The following SORCS2 variants were observed in gnomAD, a reference collection of about 807,000 sequenced individuals.
SORCS2 encodes sortilin related VPS10 domain containing receptor 2, also known as VPS10 domain-containing receptor SorCS2.
Under a neutral mutation model 141.6 loss-of-function variants are expected in SORCS2, and 100 were observed. The observed-to-expected ratio is 0.71, with a 90% CI of 0.60 to 0.83. SORCS2 has a LOEUF of 0.83. SORCS2 is among the 40% of genes least tolerant of loss of function. The pLI is 0.00. For synonymous variants in SORCS2, 789 were observed against 676.9 expected, an observed-to-expected ratio of 1.17 and a Z score of -2.57; for missense variants, 1,646 against 1,560.2, an observed-to-expected ratio of 1.05 and a Z score of -0.93.
intron 1 of SORCS2, among the ~76,000 whole-genome samples, chr4:7,270,907 A>T (rs1198630507): frequency 6.6e-6 from 1 of 152,260 alleles, no homozygotes; most frequent in African/African-American, 2.4e-5. Context: ...TAGGATACTT[A>T]CGTTCTCTCC....
Position 7,740,275 on chromosome 4 carries a change from G to C in SORCS2, c.*11G>C. ...TACCTGGTGAGCTGATGCCACCCCA[G>C]CATCTGTCTTTTCACCCACGGAGGG... On this transcript the variant is annotated 3_prime_UTR_variant, in exon 27 of 27. Coordinates refer to ENST00000507866, the MANE Select transcript of SORCS2 (RefSeq NM_020777.3). 6.2e-7 allele frequency: 1 copy of C among 1,608,060 alleles called. No homozygotes were observed. Among genetic ancestry groups the C allele is most frequent in the South Asian group, 1.1e-5 (1 of 90,710 alleles).
intron 8 of SORCS2, among the ~76,000 whole-genome samples, chr4:7,670,511 A>G (rs1227308263): frequency 6.6e-6 from 1 of 152,242 alleles, no homozygotes; most frequent in East Asian, 1.9e-4. Context: ...TCTAAGCCGT[A>G]TGAATAAAGA....
chr4:7,639,917 GTGTGTT>G (rs938694234), intron 4 of SORCS2, among the ~76,000 whole-genome samples: 13 of 95,518 alleles, frequency 1.4e-4, no homozygotes, highest in South Asian at 6.6e-4. Context: ...GTGGGTGTGT[GTGTGTT>G]TGTGAGAATA....
intron 1 of SORCS2, among the ~76,000 whole-genome samples, chr4:7,245,427 T>G (rs1713018311): frequency 6.6e-6 from 1 of 152,198 alleles, no homozygotes; most frequent in Non-Finnish European, 1.5e-5. Flanking sequence ...GTGGAACAAT[T>G]AGGTTAGCAC....
chr4:7,463,708 T>A (rs1729447915), intron 2 of SORCS2, among the ~76,000 whole-genome samples: 1 of 152,216 alleles, frequency 6.6e-6, no homozygotes, highest in African/African-American at 2.4e-5. Context: ...TTGGGCGGGC[T>A]TGGGGAGACG....
intron 2 of SORCS2, among the ~76,000 whole-genome samples, chr4:7,490,414 T>A (rs554703154): frequency 6.6e-6 from 1 of 152,142 alleles, no homozygotes; most frequent in East Asian, 1.9e-4. Flanking sequence ...CTACCCTAGA[T>A]CACGGAGCTC....
intron 1 of SORCS2, among the ~76,000 whole-genome samples, chr4:7,260,432 C>T (rs1714243993): frequency 6.6e-6 from 1 of 152,164 alleles, no homozygotes; most frequent in Non-Finnish European, 1.5e-5. Context: ...ATTGATCCAT[C>T]AATGGATTGA....
chr4:7,317,858 C>A (rs1359300852), intron 1 of SORCS2, among the ~76,000 whole-genome samples: 1 of 152,158 alleles, frequency 6.6e-6, no homozygotes, highest in Non-Finnish European at 1.5e-5. Flanking sequence ...ACCCGAGAAC[C>A]CGGTGAGGGC....
chr4:7,437,669 C>G (rs1245955626), intron 2 of SORCS2, among the ~76,000 whole-genome samples: 1 of 152,146 alleles, frequency 6.6e-6, no homozygotes, highest in African/African-American at 2.4e-5. Flanking sequence ...TCAGCAAATT[C>G]CAAGGGTTGG....
intron 2 of SORCS2, among the ~76,000 whole-genome samples, chr4:7,408,972 C>G (rs1725139830): frequency 7.1e-6 from 1 of 140,472 alleles, no homozygotes; most frequent in Non-Finnish European, 1.6e-5. Flanking sequence ...TGATAAATAT[C>G]TGAATTGCTT....
intron 3 of SORCS2, among the ~76,000 whole-genome samples, chr4:7,600,913 C>T (rs886704485): frequency 6.6e-6 from 1 of 152,040 alleles, no homozygotes; most frequent in African/African-American, 2.4e-5. Flanking sequence ...TTAGGGTTTG[C>T]TCTAATTAAC....
chr4:7,590,313 G>C (rs2359803), intron 3 of SORCS2, among the ~76,000 whole-genome samples: 64,760 of 151,868 alleles, frequency 0.43, 14,487 homozygotes, highest in East Asian at 0.83. Context: ...TACCGAATGA[G>C]TCATGCATAT....
intron 1 of SORCS2, among the ~76,000 whole-genome samples, chr4:7,381,082 C>CAAAAAA (rs397745880): frequency 0.034 from 3,545 of 103,594 alleles, 218 homozygotes; most frequent in African/African-American, 0.13. Context: ...ACTCTGTCTC[C>CAAAAAA]AAAAAAAAAA....
chr4:7,689,001 C>A (rs936713291), intron 10 of SORCS2, among the ~76,000 whole-genome samples: 4 of 152,190 alleles, frequency 2.6e-5, no homozygotes, highest in African/African-American at 9.7e-5. Flanking sequence ...ACATAAGAGG[C>A]TCCCAATAAA....
chr4:7,568,950 G>A (rs183212106), intron 3 of SORCS2, among the ~76,000 whole-genome samples: 25 of 152,250 alleles, frequency 1.6e-4, no homozygotes, highest in Admixed American at 1.6e-3. Flanking sequence ...CCCCAAGGCT[G>A]GACTCTACCT....
rs571439356 is a variant in SORCS2 at position 7,723,842 on chromosome 4, C to T, written c.2570C>T (p.Thr857Met). ...CGCGTGTCCGTCAGGGCAGAGAACA[C>T]GGCAGGCCACGATGAGGCGGTGCTC... ...IYRVSVRAENTAGHDEAVLFV... is the reference protein window; with the variant it reads ...IYRVSVRAENMAGHDEAVLFV... Residue 857 changes from threonine to methionine, a missense_variant, in exon 19 of 27, where the codon ACG becomes ATG. Coordinates refer to ENST00000507866, the MANE Select transcript of SORCS2 (RefSeq NM_020777.3). The T allele has an allele frequency of 4.0e-5, 65 of 1,612,022 alleles. 1 individual carries two copies. Among genetic ancestry groups the T allele is most frequent in the East Asian group, 2.7e-4 (12 of 44,876 alleles).
At chr4:7,265,577 G>A (rs1346907705) in intron 1 of SORCS2, among the ~76,000 whole-genome samples, 1 of 152,142 alleles carries the variant, frequency 6.6e-6, no homozygotes, top group African/African-American at 2.4e-5. Flanking sequence ...GCCACTGATG[G>A]CTCCAGATGT....
At chr4:7,535,098 T>C (rs547110662) in intron 3 of SORCS2, among the ~76,000 whole-genome samples, 1 of 152,320 alleles carries the variant, frequency 6.6e-6, no homozygotes, top group South Asian at 2.1e-4. Context: ...AAGTCACAGG[T>C]GCAGACAGGG....
intron 1 of SORCS2, among the ~76,000 whole-genome samples, chr4:7,290,148 G>A (rs1188970954): frequency 6.6e-6 from 1 of 152,152 alleles, no homozygotes; most frequent in African/African-American, 2.4e-5. Flanking sequence ...TGGCCCCAGG[G>A]GAGGTGGGTT....
Sources: allele counts gnomAD v4.1 joint callset (sites outside exome capture counted in the v4.1 genomes callset), GRCh38; gene constraint gnomAD v4.1.1; transcripts MANE v1.5; gene names NCBI Gene and HGNC (gene_info 2026-07-23, HGNC 2026-07-21).